Variants in SLIT3 observed in about 807,000 individuals in gnomAD.
The protein encoded by SLIT3 is slit homolog 3 protein.
Under a neutral mutation model 184.0 loss-of-function variants are expected in SLIT3, and 68 were observed. That is an observed-to-expected ratio of 0.37 (90% CI 0.30 to 0.45). The LOEUF is 0.45. Ranked by LOEUF, SLIT3 falls within the 20% of genes least tolerant of loss-of-function variation. The pLI is 1.00. For missense variants in SLIT3, 1,707 were observed against 2,026.0 expected, an observed-to-expected ratio of 0.84 and a Z score of 3.02; for synonymous variants, 831 against 828.6, an observed-to-expected ratio of 1.00 and a Z score of -0.05.
chr5:168,947,364 G>A (rs909508881), intron 4 of SLIT3, among the ~76,000 whole-genome samples: 3 of 152,240 alleles, frequency 2.0e-5, no homozygotes, highest in Non-Finnish European at 2.9e-5. Context: ...TGGGTCCCTC[G>A]GGAGCTGCAG....
At chr5:168,969,657 G>T (rs187372407) in intron 4 of SLIT3, among the ~76,000 whole-genome samples, 1 of 152,330 alleles carries the variant, frequency 6.6e-6, no homozygotes, top group Non-Finnish European at 1.5e-5. Context: ...TTTCTGACAG[G>T]TTAGGAGCTG....
intron 1 of SLIT3, among the ~76,000 whole-genome samples, chr5:169,299,766 C>T (rs1427701482): frequency 6.6e-6 from 1 of 152,236 alleles, no homozygotes; most frequent in African/African-American, 2.4e-5. Context: ...TCTCCATTCG[C>T]TGCCAAGCCC....
rs574365330 is a variant in SLIT3 at position 168,970,451 on chromosome 5, C to T, written c.414-87115G>A. On this transcript the variant is annotated intron_variant, in intron 4 of 35. Coordinates refer to ENST00000519560, the MANE Select transcript of SLIT3 (RefSeq NM_003062.4). ...CGGAGGTTGCAGTGAGCTGAGATAG[C>T]GCCACTGCACTCCAGCCTGGGCGAC... 1.3e-4 allele frequency among the ~76,000 whole-genome samples: 19 copies of T among 147,640 alleles called. No homozygotes were observed. In the East Asian group the frequency reaches 2.4e-3, roughly 19 times the overall value.
At chr5:168,885,753 T>C (rs951788645) in intron 4 of SLIT3, among the ~76,000 whole-genome samples, 17 of 152,190 alleles carry the variant, frequency 1.1e-4, no homozygotes, top group Admixed American at 2.6e-4. Flanking sequence ...GCTTGAACCA[T>C]AGCTGGAAGC....
intron 1 of SLIT3, among the ~76,000 whole-genome samples, chr5:169,269,948 G>A (rs562215230): frequency 6.6e-6 from 1 of 152,278 alleles, no homozygotes; most frequent in African/African-American, 2.4e-5. Context: ...TATCTTAAGG[G>A]GAGGGAAATC....
chr5:169,124,246 G>T (rs184097270), intron 4 of SLIT3, among the ~76,000 whole-genome samples: 2 of 152,282 alleles, frequency 1.3e-5, no homozygotes, highest in East Asian at 3.9e-4. Context: ...TCTTGACCTT[G>T]ATGGAGTTGT....
intron 16 of SLIT3, among the ~76,000 whole-genome samples, chr5:168,758,693 C>T (rs1010505230): frequency 4.6e-5 from 7 of 152,042 alleles, no homozygotes; most frequent in African/African-American, 7.2e-5. Context: ...CAGGCAGGGA[C>T]GGAGGGAGGA....
chr5:169,161,042 G>A (rs1342515418), intron 4 of SLIT3, among the ~76,000 whole-genome samples: 1 of 152,204 alleles, frequency 6.6e-6, no homozygotes, highest in African/African-American at 2.4e-5. Context: ...ATGAAAAGCG[G>A]ATTTTTCTAG....
At chr5:168,836,443 G>A (rs1014821403) in intron 6 of SLIT3, among the ~76,000 whole-genome samples, 8 of 152,334 alleles carry the variant, frequency 5.3e-5, no homozygotes, top group Non-Finnish European at 1.5e-5. Flanking sequence ...ACAGAAGCCC[G>A]GTCTTAGGAG....
At chr5:169,065,480 C>T (rs540087566) in intron 4 of SLIT3, among the ~76,000 whole-genome samples, 6 of 152,298 alleles carry the variant, frequency 3.9e-5, no homozygotes, top group East Asian at 1.9e-4. Context: ...GTTGAGCCCA[C>T]GTCCTGGTGT....
intron 4 of SLIT3, among the ~76,000 whole-genome samples, chr5:169,059,667 C>T (rs1293135815): frequency 6.6e-6 from 1 of 152,182 alleles, no homozygotes; most frequent in Non-Finnish European, 1.5e-5. Context: ...TGAGATTTCA[C>T]CTTTAAAAAC....
intron 4 of SLIT3, among the ~76,000 whole-genome samples, chr5:168,962,883 C>T (rs1362948252): frequency 6.6e-6 from 1 of 152,220 alleles, no homozygotes; most frequent in Non-Finnish European, 1.5e-5. Flanking sequence ...GATTGCTCCC[C>T]TCCCTCAGGG....
At chr5:169,212,577 C>G (rs149981374) in intron 3 of SLIT3, among the ~76,000 whole-genome samples, 2,985 of 152,204 alleles carry the variant, frequency 0.02, 45 homozygotes, top group Non-Finnish European at 0.029. Context: ...TGCCTGTTCA[C>G]TCTGATAGTT....
At chr5:169,256,027 A>G (rs1765949863) in intron 1 of SLIT3, among the ~76,000 whole-genome samples, 1 of 152,028 alleles carries the variant, frequency 6.6e-6, no homozygotes, top group South Asian at 2.1e-4. Context: ...CCCACCACTC[A>G]CTCACTGACT....
At chr5:168,938,500 G>A (rs1450221903) in intron 4 of SLIT3, among the ~76,000 whole-genome samples, 2 of 152,196 alleles carry the variant, frequency 1.3e-5, no homozygotes, top group Non-Finnish European at 2.9e-5. Context: ...TGATGATACT[G>A]TTGTTTTCTA....
At chr5:168,726,885 C>A (rs1320611546) in intron 20 of SLIT3, among the ~76,000 whole-genome samples, 1 of 151,996 alleles carries the variant, frequency 6.6e-6, no homozygotes, top group Non-Finnish European at 1.5e-5. Flanking sequence ...GAGGCACATG[C>A]CTGTAATCCC....
chr5:168,827,525 C>T (rs1409874769), intron 6 of SLIT3, among the ~76,000 whole-genome samples: 1 of 152,212 alleles, frequency 6.6e-6, no homozygotes, highest in Non-Finnish European at 1.5e-5. Context: ...CTGTGATCTC[C>T]ACTTCCTGGG....
rs1033096222 is a variant in SLIT3, at chr5:168,762,544, G to A, written c.1605C>T (p.Thr535=). ...CACGCCGAGGTTGGACTTACAGGTC[G>A]GTGACATATTCAGGGAGGTGGCTTG... The part of the protein sequence containing the change: ...RIPSHLPEYV[T]DLRLNDNEVS... The change falls in exon 15 of 36, where the codon ACC becomes ACT. Residue 535 remains threonine, a synonymous_variant. Coordinates refer to ENST00000519560, the MANE Select transcript of SLIT3 (RefSeq NM_003062.4). 8.7e-6 allele frequency: 14 copies of A among 1,613,184 alleles called. No homozygotes were observed. The highest frequency in any genetic ancestry group is 1.6e-4 in the Middle Eastern group (1 of 6,084).
chr5:169,031,368 C>T (rs1757020392), intron 4 of SLIT3, among the ~76,000 whole-genome samples: 1 of 152,178 alleles, frequency 6.6e-6, no homozygotes, highest in African/African-American at 2.4e-5. Context: ...TTCACCTCTA[C>T]CCTCATAGAA....
Sources: allele counts gnomAD v4.1 joint callset (sites outside exome capture counted in the v4.1 genomes callset), GRCh38; gene constraint gnomAD v4.1.1; transcripts MANE v1.5; gene names NCBI Gene and HGNC (gene_info 2026-07-23, HGNC 2026-07-21).